Variants in LMBR1 observed in about 807,000 individuals in gnomAD.
LMBR1 encodes limb region 1 protein homolog.
LMBR1 carries 52 observed loss-of-function variants against 73.9 expected under a neutral mutation model. The observed-to-expected ratio is 0.70, with a 90% confidence interval of 0.56 to 0.89. The LOEUF is 0.89. Among genes scored for constraint, LMBR1 ranks in the 40% least tolerant of loss-of-function variants. The pLI is 0.00. For missense variants in LMBR1, 539 were observed against 579.8 expected (o/e 0.93, Z 0.72); for synonymous variants, 215 against 209.4 (o/e 1.03, Z -0.23).
At chr7:156,765,592 T>A (rs188451017) in intron 5 of LMBR1, among the ~76,000 whole-genome samples, 19 of 152,330 alleles carry the variant, frequency 1.2e-4, no homozygotes, top group Non-Finnish European at 2.4e-4. Context: ...TCTCTCTTCC[T>A]TTCTTCCTCC....
chr7:156,799,463 T>C (rs1830577273), intron 4 of LMBR1, among the ~76,000 whole-genome samples: 1 of 152,250 alleles, frequency 6.6e-6, no homozygotes. Flanking sequence ...ACTATGTTAA[T>C]TGTTTGGGGG....
At chr7:156,880,696 A>G (rs1272176425) in intron 1 of LMBR1, among the ~76,000 whole-genome samples, 2 of 152,182 alleles carry the variant, frequency 1.3e-5, no homozygotes, top group African/African-American at 4.8e-5. Context: ...TCTGCCACCA[A>G]GGATGGAGTG....
At chr7:156,759,504 T>C (rs1822564114) in intron 8 of LMBR1, among the ~76,000 whole-genome samples, 1 of 152,206 alleles carries the variant, frequency 6.6e-6, no homozygotes. Flanking sequence ...AATACTACTA[T>C]CTAACTTATA....
chr7:156,861,180 C>T (rs146580643), intron 1 of LMBR1, among the ~76,000 whole-genome samples: 2 of 152,354 alleles, frequency 1.3e-5, no homozygotes, highest in Non-Finnish European at 2.9e-5. Flanking sequence ...CATTTCCATA[C>T]ATACATCCTC....
chr7:156,845,974 A>C lies in LMBR1; in HGVS notation c.67-9089T>G, dbSNP rs560642144. Reference sequence around the variant, plus strand: ...CAGTACCAAAATACCTCAGAAAAAAAAAAACAAAACAGGAACAGTGGCTCA... The same window carrying C: ...CAGTACCAAAATACCTCAGAAAAAACAAAACAAAACAGGAACAGTGGCTCA... On this transcript the variant is annotated intron_variant, in intron 1 of 16. Coordinates refer to ENST00000353442, the MANE Select transcript of LMBR1 (RefSeq NM_022458.4). Among the ~76,000 whole-genome samples the C allele has an allele frequency of 3.3e-5, 5 of 152,166 alleles. No individual in the cohort carries two copies. The South Asian group carries it at 8.3e-4, about 25-fold the overall frequency.
chr7:156,837,181 A>T lies in LMBR1; in HGVS notation c.67-296T>A, dbSNP rs190356046. ...TCTACTAAAAAATACAAAAAAAAAAAATATTAGCAGGGCATGGTGGCGGTG... is the reference window on the plus strand; with the variant it reads ...TCTACTAAAAAATACAAAAAAAAAATATATTAGCAGGGCATGGTGGCGGTG... On this transcript the variant is annotated intron_variant, in intron 1 of 16. Coordinates refer to ENST00000353442, the MANE Select transcript of LMBR1 (RefSeq NM_022458.4). 3.7e-3 allele frequency among the ~76,000 whole-genome samples: 556 copies of T among 151,548 alleles called. 8 individuals are homozygous for T. The highest frequency in any genetic ancestry group is 0.013 in the African/African-American group (533 of 41,314).
At chr7:156,891,696 A>T (rs1356587179) in intron 1 of LMBR1, among the ~76,000 whole-genome samples, 2 of 152,164 alleles carry the variant, frequency 1.3e-5, no homozygotes, top group African/African-American at 2.4e-5. Flanking sequence ...TGGATTCAGG[A>T]GTACACAGGC....
intron 1 of LMBR1, among the ~76,000 whole-genome samples, chr7:156,861,718 C>CCCTAAAT (rs1176762803): frequency 6.6e-6 from 1 of 152,198 alleles, no homozygotes; most frequent in African/African-American, 2.4e-5. Context: ...CCACCAGATA[C>CCCTAAAT]CCTAAATCAT....
At chr7:156,742,489 G>A (rs1411742738) in intron 9 of LMBR1, among the ~76,000 whole-genome samples, 1 of 152,060 alleles carries the variant, frequency 6.6e-6, no homozygotes, top group Non-Finnish European at 1.5e-5. Context: ...GTAATTACAT[G>A]TCAATACACT....
At chr7:156,839,616 G>A (rs1027263645) in intron 1 of LMBR1, among the ~76,000 whole-genome samples, 1 of 152,176 alleles carries the variant, frequency 6.6e-6, no homozygotes, top group Non-Finnish European at 1.5e-5. Context: ...CCATATGACT[G>A]AGAACAACTT....
chr7:156,795,664 C>CA (rs1398528310), intron 5 of LMBR1, among the ~76,000 whole-genome samples: 1 of 152,134 alleles, frequency 6.6e-6, no homozygotes, highest in African/African-American at 2.4e-5. Flanking sequence ...GCAATCCTCC[C>CA]ACCTTAGTCT....
At chr7:156,694,552 A>G (rs1807881471) in intron 15 of LMBR1, among the ~76,000 whole-genome samples, 1 of 152,212 alleles carries the variant, frequency 6.6e-6, no homozygotes, top group African/African-American at 2.4e-5. Context: ...TATTCAACAT[A>G]CTACTTGAAG....
chr7:156,851,755 T>C (rs768081496), intron 1 of LMBR1, among the ~76,000 whole-genome samples: 15 of 152,224 alleles, frequency 9.9e-5, no homozygotes, highest in Admixed American at 4.6e-4. Context: ...TATGAAACAA[T>C]GTGCTTATTT....
chr7:156,859,963 TAG>T (rs1797502095), intron 1 of LMBR1, among the ~76,000 whole-genome samples: 1 of 152,150 alleles, frequency 6.6e-6, no homozygotes, highest in Admixed American at 6.5e-5. Flanking sequence ...TGGAACAGAA[TAG>T]AGAGTTGATA....
In LMBR1 at chr7:156,893,140, A is replaced by G; in HGVS notation, c.-147T>C. 1.4e-6 allele frequency: 1 copy of G among 694,830 alleles called. No individual in the cohort carries two copies. Among genetic ancestry groups the G allele is most frequent in the Non-Finnish European group, 2.0e-6 (1 of 492,750 alleles). 43.0% of individuals were successfully genotyped at this position (694,830 alleles called of 1,614,324 possible). On this transcript the variant is annotated 5_prime_UTR_variant, in exon 1 of 17. Coordinates refer to ENST00000353442, the MANE Select transcript of LMBR1 (RefSeq NM_022458.4). ...TGTTGGAACAGGTACCGCGACCACG[A>G]CACCGGCCGTCGCCTCAGCAGCCTC... is the stretch of plus-strand genomic sequence containing the variant.
chr7:156,715,637 C>T (rs1813044189), intron 15 of LMBR1, among the ~76,000 whole-genome samples: 1 of 152,136 alleles, frequency 6.6e-6, no homozygotes, highest in Non-Finnish European at 1.5e-5. Context: ...ACAAGAACTC[C>T]CATTCCTCCT....
chr7:156,775,987 G>A (rs894977870), intron 5 of LMBR1, among the ~76,000 whole-genome samples: 1 of 151,188 alleles, frequency 6.6e-6, no homozygotes. Flanking sequence ...GTGAAATGAG[G>A]ATATGAATAG....
chr7:156,836,865 G>T lies in LMBR1; in HGVS notation c.87C>A (p.Ala29=). 1 of 1,576,180 alleles carries T rather than the reference G, an allele frequency of 6.3e-7. No homozygotes were observed. The highest frequency in any genetic ancestry group is 1.2e-5 in the South Asian group (1 of 86,126). The change falls in exon 2 of 17, where the codon GCC becomes GCA. Residue 29 remains alanine, a synonymous_variant. Transcript: ENST00000353442. ...TGAAGTAGGAAACAACGTAGAGAAT[G>T]GCAAAAAGAAGGAAACATATCTGAA... ...RESTICFLLF[A]ILYVVSYFII...
chr7:156,677,998 C>T lies in LMBR1; in HGVS notation c.*6080G>A, dbSNP rs530768848. ...GCCAGAGCAGTCCGATTCCGCCGCCCTAAACTTTGGATCTAGAAGGAGAGT... is the reference window on the plus strand; with the variant it reads ...GCCAGAGCAGTCCGATTCCGCCGCCTTAAACTTTGGATCTAGAAGGAGAGT... On this transcript the variant is annotated 3_prime_UTR_variant, in exon 17 of 17. Transcript: ENST00000353442. 7 of 152,256 alleles carry T rather than the reference C, an allele frequency of 4.6e-5. No individual in the cohort carries two copies. Among genetic ancestry groups the T allele is most frequent in the Non-Finnish European group, 1.0e-4 (7 of 68,104 alleles). 9.4% of individuals were successfully genotyped at this position (152,256 alleles called of 1,614,324 possible).
Sources: allele counts gnomAD v4.1 joint callset (sites outside exome capture counted in the v4.1 genomes callset), GRCh38; gene constraint gnomAD v4.1.1; transcripts MANE v1.5; gene names NCBI Gene and HGNC (gene_info 2026-07-23, HGNC 2026-07-21).